The following SH3KBP1 variants were observed in gnomAD, a reference collection of about 807,000 sequenced individuals.
SH3KBP1 encodes the protein SH3 domain containing kinase binding protein 1, also known as SH3 domain-containing kinase-binding protein 1.
SH3KBP1 carries 8 observed loss-of-function variants against 50.1 expected under a neutral mutation model. That is an observed-to-expected ratio of 0.16 (90% CI 0.09 to 0.29). SH3KBP1 has a LOEUF of 0.29. Among genes scored for constraint, SH3KBP1 ranks in the 10% least tolerant of loss-of-function variants. The pLI is 1.00. For synonymous variants in SH3KBP1, 227 were observed against 218.6 expected, an observed-to-expected ratio of 1.04 and a Z score of -0.34; for missense variants, 377 against 535.2, an observed-to-expected ratio of 0.70 and a Z score of 2.92.
chrX:19,878,505 T>TGTGTGTGTGTGAGA (rs1491094714), intron 1 of SH3KBP1, among the ~76,000 whole-genome samples: 58 of 48,241 alleles, frequency 1.2e-3, no homozygotes, highest in African/African-American at 3.2e-3. Flanking sequence ...TGTGTGTGTG[T>TGTGTGTGTGTGAGA]GAGAGAGAGA....
At chrX:19,740,855 G>A in intron 3 of SH3KBP1, 1 of 260,667 alleles carries the variant, frequency 3.8e-6, no homozygotes, top group South Asian at 4.2e-5. Context: ...AAGCATTCCA[G>A]GCCCTCACAC....
At chrX:19,879,324 T>C (rs1420752221) in intron 1 of SH3KBP1, among the ~76,000 whole-genome samples, 1 of 111,999 alleles carries the variant, frequency 8.9e-6, no homozygotes, top group East Asian at 2.8e-4. Context: ...GCCTGACATT[T>C]TCTGAGCACC....
intron 6 of SH3KBP1, among the ~76,000 whole-genome samples, chrX:19,661,220 T>C (rs987290804): frequency 8.9e-6 from 1 of 112,620 alleles, no homozygotes; most frequent in Non-Finnish European, 1.9e-5. Context: ...AGCTATAACA[T>C]GGTAGATTTA....
At chrX:19,558,077 C>T (rs894485582) in intron 13 of SH3KBP1, among the ~76,000 whole-genome samples, 1 of 111,851 alleles carries the variant, frequency 8.9e-6, no homozygotes, top group African/African-American at 3.3e-5. Context: ...CACTACAGGC[C>T]CAAATTTGCT....
At chrX:19,747,279 A>T (rs2064942969) in intron 2 of SH3KBP1, among the ~76,000 whole-genome samples, 1 of 112,535 alleles carries the variant, frequency 8.9e-6, no homozygotes, top group Non-Finnish European at 1.9e-5. Flanking sequence ...TAATTGTTTT[A>T]AAAAGCATTA....
At chrX:19,848,671 T>C (rs1485014029) in intron 1 of SH3KBP1, among the ~76,000 whole-genome samples, 1 of 112,370 alleles carries the variant, frequency 8.9e-6, no homozygotes, top group African/African-American at 3.2e-5. Context: ...ATATTCTGGC[T>C]AATAAAATGA....
At chrX:19,864,873 G>A (rs773982636) in intron 1 of SH3KBP1, among the ~76,000 whole-genome samples, 4 of 112,165 alleles carry the variant, frequency 3.6e-5, no homozygotes, top group African/African-American at 1.3e-4. Context: ...TCTATGCGGA[G>A]CCCACAGCAC....
At chrX:19,712,052 G>T (rs2063789378) in intron 3 of SH3KBP1, among the ~76,000 whole-genome samples, 1 of 111,996 alleles carries the variant, frequency 8.9e-6, no homozygotes, top group South Asian at 3.7e-4. Flanking sequence ...GGAACAGGTG[G>T]TCTCCCCTTG....
intron 2 of SH3KBP1, among the ~76,000 whole-genome samples, chrX:19,771,817 T>A (rs1244297811): frequency 9.5e-6 from 1 of 105,511 alleles, no homozygotes; most frequent in African/African-American, 3.5e-5. Flanking sequence ...TGAGCTGAGA[T>A]TCTGCCATGG....
chrX:19,632,001 T>A, intron 7 of SH3KBP1, 43 bp from the exon 8 acceptor site: 1 of 870,509 alleles, frequency 1.1e-6, no homozygotes, highest in South Asian at 2.4e-5. Context: ...ATGCTTTATC[T>A]AATGAGCTGG....
intron 16 of SH3KBP1, among the ~76,000 whole-genome samples, chrX:19,541,232 C>T (rs1421661962): frequency 8.9e-6 from 1 of 111,961 alleles, no homozygotes; most frequent in Admixed American, 9.4e-5. Context: ...TTCTAATCCT[C>T]CTATGGGCTT....
chrX:19,662,433 A>G (rs2062485026), intron 6 of SH3KBP1, among the ~76,000 whole-genome samples: 1 of 112,338 alleles, frequency 8.9e-6, no homozygotes, highest in Admixed American at 9.5e-5. Context: ...ATGCTCAAGG[A>G]TAATGCTTAT....
intron 3 of SH3KBP1, among the ~76,000 whole-genome samples, chrX:19,730,793 A>C (rs2064354046): frequency 8.9e-6 from 1 of 112,203 alleles, no homozygotes; most frequent in African/African-American, 3.2e-5. Context: ...GTGATGAGGA[A>C]TCAAATATCA....
intron 3 of SH3KBP1, among the ~76,000 whole-genome samples, chrX:19,727,987 T>C (rs1003278025): frequency 9.0e-6 from 1 of 111,631 alleles, no homozygotes; most frequent in Non-Finnish European, 1.9e-5. Flanking sequence ...TAAAAAAGTA[T>C]CACTTAGCTA....
chrX:19,625,790 T>C (rs992175459), intron 8 of SH3KBP1, among the ~76,000 whole-genome samples: 1 of 111,756 alleles, frequency 8.9e-6, no homozygotes, highest in Admixed American at 9.5e-5. Flanking sequence ...GAGTCACCTC[T>C]GGAAGTGACT....
chrX:19,609,151 T>A lies in SH3KBP1; in HGVS notation c.898-1106A>T, dbSNP rs758252497. Among the ~76,000 whole-genome samples the A allele has an allele frequency of 2.3e-4, 26 of 112,074 alleles. No homozygotes were observed. The East Asian group carries it at 7.0e-3, about 30-fold the overall frequency. On this transcript the variant is annotated intron_variant, in intron 8 of 17. Coordinates refer to ENST00000397821, the MANE Select transcript of SH3KBP1 (RefSeq NM_031892.3). ...ACATAATCTCATGCCACAAAACCAC[T>A]TCTAGTTTTTCCCATTTTCAACTGG... is the stretch of plus-strand genomic sequence containing the variant.
chrX:19,595,842 T>C (rs758400836), intron 9 of SH3KBP1, among the ~76,000 whole-genome samples: 50 of 111,898 alleles, frequency 4.5e-4, no homozygotes, highest in Admixed American at 1.3e-3. Context: ...AGCAGTGATC[T>C]CTGATTCTGG....
At chrX:19,673,321 C>T (rs761157831) in intron 6 of SH3KBP1, among the ~76,000 whole-genome samples, 2 of 111,659 alleles carry the variant, frequency 1.8e-5, no homozygotes, top group African/African-American at 6.5e-5. Flanking sequence ...ATGTGTATAT[C>T]TATGTAAATC....
intron 5 of SH3KBP1, among the ~76,000 whole-genome samples, chrX:19,694,386 C>G (rs1437100253): frequency 9.0e-6 from 1 of 111,237 alleles, no homozygotes; most frequent in Non-Finnish European, 1.9e-5. Context: ...CCCAGTAGTA[C>G]TCATCAGCTG....
Sources: gnomAD v4.1 joint callset for allele counts (sites outside exome capture counted in the v4.1 genomes callset) on GRCh38, gnomAD v4.1.1 for gene constraint, MANE v1.5 for transcripts, NCBI Gene and HGNC (gene_info 2026-07-23, HGNC 2026-07-21) for gene names.